The following ZC3H3 variants were observed in gnomAD, a reference collection of about 807,000 sequenced individuals.
ZC3H3 encodes the protein zinc finger CCCH-type containing 3.
Under a neutral mutation model 77.3 loss-of-function variants are expected in ZC3H3, and 36 were observed. The observed-to-expected ratio is 0.47, with a 90% CI of 0.36 to 0.61. The LOEUF is 0.61. Ranked by LOEUF, ZC3H3 falls within the 20% of genes least tolerant of loss-of-function variation. ZC3H3 has a pLI of 0.00. For synonymous variants in ZC3H3, 626 were observed against 555.2 expected (o/e 1.13, Z -1.79); for missense variants, 1,331 against 1,312.2 (o/e 1.01, Z -0.22).
intron 4 of ZC3H3, among the ~76,000 whole-genome samples, chr8:143,505,802 G>C (rs904820021): frequency 2.0e-5 from 3 of 152,232 alleles, no homozygotes; most frequent in African/African-American, 7.2e-5. Flanking sequence ...CCAGGGGTGG[G>C]CTGAATTCAG....
intron 4 of ZC3H3, among the ~76,000 whole-genome samples, chr8:143,506,607 T>A (rs1563866669): frequency 6.6e-6 from 1 of 152,204 alleles, no homozygotes; most frequent in Non-Finnish European, 1.5e-5. Context: ...TGCTTATAAA[T>A]CTATTTAAAA....
chr8:143,457,270 A>G (rs940319100), intron 9 of ZC3H3, among the ~76,000 whole-genome samples: 2 of 152,212 alleles, frequency 1.3e-5, no homozygotes, highest in African/African-American at 4.8e-5. Flanking sequence ...AAATCAATGA[A>G]AGAAAGGTAA....
intron 9 of ZC3H3, among the ~76,000 whole-genome samples, chr8:143,443,487 T>C (rs1310257655): frequency 6.6e-6 from 1 of 152,002 alleles, no homozygotes; most frequent in Non-Finnish European, 1.5e-5. Flanking sequence ...TCTCCAAAGA[T>C]CTGGAAATGT....
At chr8:143,516,577 ACACT>A (rs1822058365) in intron 3 of ZC3H3, among the ~76,000 whole-genome samples, 1 of 146,710 alleles carries the variant, frequency 6.8e-6, no homozygotes, top group Admixed American at 6.7e-5. Context: ...ATACACACAC[ACACT>A]CACTCTCATG....
rs1195173690 is a variant in ZC3H3 at position 143,538,491 on chromosome 8, G to A, written c.876C>T (p.Ala292=). The change falls in exon 2 of 12, where the codon GCC becomes GCT. Residue 292 remains alanine (A), a synonymous_variant. Transcript: ENST00000262577. ...AGGTCACAACCAGCGAGGCCTCCCG[G>A]GCCTGCCTGGGTCCTGAGGCCGGTC... ...PARPASGPRQ[A]REASLVVTCR... 6.2e-7 allele frequency: 1 copy of A among 1,612,854 alleles called. No individual in the cohort carries two copies. Among genetic ancestry groups the A allele is most frequent in the South Asian group, 1.1e-5 (1 of 91,086 alleles).
intron 4 of ZC3H3, among the ~76,000 whole-genome samples, chr8:143,478,424 G>GT (rs1820806081): frequency 6.6e-6 from 1 of 152,196 alleles, no homozygotes; most frequent in Admixed American, 6.5e-5. Flanking sequence ...TTCCAGGACC[G>GT]CCCCACCCAC....
At chr8:143,443,794 C>T (rs1220972780) in intron 9 of ZC3H3, among the ~76,000 whole-genome samples, 4 of 152,156 alleles carry the variant, frequency 2.6e-5, no homozygotes, top group Non-Finnish European at 4.4e-5. Context: ...TGAAAGACAC[C>T]GCACGCTGTG....
At chr8:143,463,896 G>A (rs572919938) in intron 9 of ZC3H3, among the ~76,000 whole-genome samples, 25 of 152,362 alleles carry the variant, frequency 1.6e-4, no homozygotes, top group Non-Finnish European at 3.1e-4. Flanking sequence ...GGGAAGGAGC[G>A]GAGATTTACT....
At chr8:143,491,378 A>G (rs2129967430) in intron 4 of ZC3H3, among the ~76,000 whole-genome samples, 1 of 152,352 alleles carries the variant, frequency 6.6e-6, no homozygotes. Flanking sequence ...CCAAGGTGGC[A>G]GCAGCATCTC....
At chr8:143,477,160 G>A (rs535787800) in intron 4 of ZC3H3, among the ~76,000 whole-genome samples, 2 of 152,360 alleles carry the variant, frequency 1.3e-5, no homozygotes, top group East Asian at 1.9e-4. Context: ...CTCAGCAGCC[G>A]GGGGCCTCCA....
At chr8:143,477,548 G>C (rs929938197) in intron 4 of ZC3H3, among the ~76,000 whole-genome samples, 1 of 152,174 alleles carries the variant, frequency 6.6e-6, no homozygotes, top group Non-Finnish European at 1.5e-5. Context: ...AGGCCCAGCA[G>C]GTGCATGGCC....
intron 3 of ZC3H3, among the ~76,000 whole-genome samples, chr8:143,514,929 G>A (rs948737132): frequency 6.6e-6 from 1 of 152,220 alleles, no homozygotes; most frequent in Non-Finnish European, 1.5e-5. Flanking sequence ...AGGCCCGGCC[G>A]CCGCATCTGC....
chr8:143,534,873 T>C (rs114078909), intron 3 of ZC3H3, among the ~76,000 whole-genome samples: 1 of 150,972 alleles, frequency 6.6e-6, no homozygotes, highest in East Asian at 2.0e-4. Context: ...CCAGCCCCAC[T>C]TCCTCCCACC....
chr8:143,538,641 G>A lies in ZC3H3; in HGVS notation c.726C>T (p.Ala242=). 6.2e-7 allele frequency: 1 copy of A among 1,608,826 alleles called. No individual in the cohort carries two copies. The highest frequency in any genetic ancestry group is 8.5e-7 in the Non-Finnish European group (1 of 1,179,986). ...SSALPPRTGV[A]LGRKLGSHSV... is the part of the protein sequence containing the mutation. ...AATGAGAACCCAGCTTCCGGCCCAG[G>A]GCCACGCCAGTGCGTGGGGGCAGAG... Residue 242 remains alanine, a synonymous_variant, in exon 2 of 12, where the codon GCC becomes GCT. Coordinates refer to ENST00000262577, the MANE Select transcript of ZC3H3 (RefSeq NM_015117.3).
intron 3 of ZC3H3, among the ~76,000 whole-genome samples, chr8:143,518,329 G>C (rs1822127527): frequency 6.6e-6 from 1 of 152,220 alleles, no homozygotes; most frequent in Non-Finnish European, 1.5e-5. Flanking sequence ...AACAGATCTG[G>C]GGCCAACTGG....
Position 143,440,995 on chromosome 8 carries a change from G to T in ZC3H3, c.2433C>A (p.Pro811=). Residue 811 remains proline, a synonymous_variant, in exon 10 of 12, where the codon CCC becomes CCA. Coordinates refer to ENST00000262577, the MANE Select transcript of ZC3H3 (RefSeq NM_015117.3). ...KRHSRRAATS[P]APGPSDATAR... ...CGGTTGCGTCGCTGGGCCCTGGGGC[G>T]GGGGACGTGGCTGCCCGCCGACTGT... 4.8e-6 allele frequency: 7 copies of T among 1,470,490 alleles called. No individual in the cohort carries two copies. The highest frequency in any genetic ancestry group is 5.4e-6 in the Non-Finnish European group (6 of 1,118,350). 91.1% of individuals were successfully genotyped at this position (1,470,490 alleles called of 1,614,324 possible). A position where few individuals can be genotyped will look rare whatever the true frequency, so the allele number is the denominator to read the frequency against.
rs1820390653 is a variant in ZC3H3 at position 143,465,719 on chromosome 8, T to G, written c.2305A>C (p.Lys769Gln). The G allele has an allele frequency of 6.2e-7, 1 of 1,613,528 alleles. No homozygotes were observed. Among genetic ancestry groups the G allele is most frequent in the Non-Finnish European group, 8.5e-7 (1 of 1,179,962 alleles). ...FLKGYCPLGA[K>Q]CKKKHTLLCP... Reference sequence around the variant, plus strand: ...TCGGGCCCCCACAGACCACTCACCTTTGCACCCAGGGGGCAGTAGCCTTTG... The same window carrying G: ...TCGGGCCCCCACAGACCACTCACCTGTGCACCCAGGGGGCAGTAGCCTTTG... Residue 769 changes from lysine (K) to glutamine (Q), a missense_variant and splice_region_variant, in exon 9 of 12, where the codon AAG (lysine) becomes CAG (glutamine). By Grantham distance (53) the Lys-to-Gln change is moderately conservative. Transcript: ENST00000262577.
At chr8:143,540,682 G>A (rs1822982070) in intron 1 of ZC3H3, among the ~76,000 whole-genome samples, 1 of 151,464 alleles carries the variant, frequency 6.6e-6, no homozygotes, top group Non-Finnish European at 1.5e-5. Flanking sequence ...GAGGCTGGGA[G>A]CGGTGGCTCA....
At chr8:143,537,308 C>T (rs1822833279) in intron 2 of ZC3H3, among the ~76,000 whole-genome samples, 1 of 152,210 alleles carries the variant, frequency 6.6e-6, no homozygotes, top group Admixed American at 6.5e-5. Context: ...TCTGCTCGCC[C>T]TGGGACCAAA....
Sources: allele counts gnomAD v4.1 joint callset (sites outside exome capture counted in the v4.1 genomes callset), GRCh38; gene constraint gnomAD v4.1.1; transcripts MANE v1.5; gene names NCBI Gene and HGNC (gene_info 2026-07-23, HGNC 2026-07-21).